CNTNAP2: variants seen among roughly 807,000 people sequenced by gnomAD.
The protein encoded by CNTNAP2 is contactin associated protein 2.
A neutral mutation model predicts 155.2 loss-of-function variants in CNTNAP2; 98 were observed. That is an observed-to-expected ratio of 0.63 (90% CI 0.54 to 0.75). The LOEUF is 0.75. Ranked by LOEUF, CNTNAP2 falls within the 30% of genes least tolerant of loss-of-function variation. The pLI, the probability that CNTNAP2 is intolerant of heterozygous loss-of-function variation, is 0.00. For synonymous variants in CNTNAP2, 651 were observed against 631.2 expected, an observed-to-expected ratio of 1.03 and a Z score of -0.47; for missense variants, 1,727 against 1,688.1, an observed-to-expected ratio of 1.02 and a Z score of -0.40.
chr7:148,174,814 G>C (rs147842278), intron 18 of CNTNAP2, among the ~76,000 whole-genome samples: 2 of 152,128 alleles, frequency 1.3e-5, no homozygotes, highest in Non-Finnish European at 2.9e-5. Flanking sequence ...ATAAGCATAC[G>C]TGTGCCATGG....
At chr7:147,589,234 G>A (rs1218242736) in intron 12 of CNTNAP2, among the ~76,000 whole-genome samples, 1 of 152,282 alleles carries the variant, frequency 6.6e-6, no homozygotes, top group East Asian at 1.9e-4. Context: ...CAGCTGGTTA[G>A]TAAAAGTTTT....
At chr7:147,655,065 G>A (rs1432476263) in intron 13 of CNTNAP2, among the ~76,000 whole-genome samples, 1 of 151,396 alleles carries the variant, frequency 6.6e-6, no homozygotes, top group Non-Finnish European at 1.5e-5. Flanking sequence ...CACCCGCCTG[G>A]GCCTCCCAAA....
chr7:147,280,978 T>C (rs375834632), intron 8 of CNTNAP2, among the ~76,000 whole-genome samples: 2 of 151,902 alleles, frequency 1.3e-5, no homozygotes, highest in East Asian at 3.9e-4. Flanking sequence ...TTTCACAAAC[T>C]TGGGTCTTAC....
At chr7:147,170,774 C>A (rs1167854004) in intron 8 of CNTNAP2, among the ~76,000 whole-genome samples, 1 of 152,148 alleles carries the variant, frequency 6.6e-6, no homozygotes, top group Admixed American at 6.5e-5. Context: ...AACACAGCAC[C>A]CAGGCTGGGC....
At chr7:148,186,596 C>T (rs1795119232) in intron 18 of CNTNAP2, among the ~76,000 whole-genome samples, 1 of 152,162 alleles carries the variant, frequency 6.6e-6, no homozygotes, top group African/African-American at 2.4e-5. Context: ...GAACCATCAT[C>T]TCTATTAAAG....
At chr7:147,615,358 G>A (rs1199367990) in intron 12 of CNTNAP2, among the ~76,000 whole-genome samples, 2 of 142,508 alleles carry the variant, frequency 1.4e-5, no homozygotes, top group Admixed American at 7.2e-5. Context: ...GTTCATGCCT[G>A]TAATCCCAGC....
At chr7:147,130,241 A>T (rs1801325404) in intron 7 of CNTNAP2, among the ~76,000 whole-genome samples, 1 of 150,788 alleles carries the variant, frequency 6.6e-6, no homozygotes, top group Non-Finnish European at 1.5e-5. Context: ...TAGTGAGACC[A>T]TGTCTCTACA....
Position 147,854,940 on chromosome 7 carries a change from G to A in CNTNAP2, c.2099-48625G>A, listed in dbSNP as rs184799409. ...AATACATAAGAATTTTGAAGACACC[G>A]CCCAAGAAAGAGAATATAAAATAGC... On this transcript the variant is annotated intron_variant, in intron 13 of 23. Transcript: ENST00000361727. Among the ~76,000 whole-genome samples, 95 of 152,076 alleles carry A rather than the reference G, an allele frequency of 6.2e-4. 1 individual carries two copies. Among genetic ancestry groups the A allele is most frequent in the African/African-American group, 2.1e-3 (88 of 41,510 alleles).
At chr7:148,302,597 T>C (rs1045421317) in intron 21 of CNTNAP2, among the ~76,000 whole-genome samples, 1 of 152,106 alleles carries the variant, frequency 6.6e-6, no homozygotes, top group Non-Finnish European at 1.5e-5. Context: ...GGTTGGATCA[T>C]GAGGGTGGTT....
Position 148,352,025 on chromosome 7 carries a change from TA to T in CNTNAP2, c.3476-31622del, listed in dbSNP as rs375768445. Among the ~76,000 whole-genome samples the T allele has an allele frequency of 3.8e-4, 58 of 152,286 alleles. No individual in the cohort carries two copies. The East Asian group carries it at 9.7e-3, about 25-fold the overall frequency. On this transcript the variant is annotated intron_variant, in intron 21 of 23. Coordinates refer to ENST00000361727, the MANE Select transcript of CNTNAP2 (RefSeq NM_014141.6). The stretch of plus-strand genomic sequence containing the variant: ...ACGGCCTCTTCCCTATGTAGAGGCA[TA>T]ATATCCAGAATTTGTGCGTATCTTC...
At chr7:148,167,350 G>A (rs1236990964) in intron 17 of CNTNAP2, among the ~76,000 whole-genome samples, 1 of 152,096 alleles carries the variant, frequency 6.6e-6, no homozygotes, top group African/African-American at 2.4e-5. Flanking sequence ...TGCTGGCCAG[G>A]CTGGTCTCAA....
intron 1 of CNTNAP2, among the ~76,000 whole-genome samples, chr7:146,307,200 G>C (rs990328763): frequency 6.6e-6 from 1 of 152,060 alleles, no homozygotes; most frequent in Non-Finnish European, 1.5e-5. Context: ...CAAACAGAGA[G>C]CCAAATCATG....
chr7:146,306,695 T>G (rs1220917403), intron 1 of CNTNAP2, among the ~76,000 whole-genome samples: 1 of 152,132 alleles, frequency 6.6e-6, no homozygotes, highest in East Asian at 1.9e-4. Context: ...AATCAATAAA[T>G]GTAATCCAGC....
At chr7:147,133,377 T>G (rs1443294661) in intron 8 of CNTNAP2, among the ~76,000 whole-genome samples, 1 of 152,070 alleles carries the variant, frequency 6.6e-6, no homozygotes, top group East Asian at 1.9e-4. Context: ...GAACACTTAG[T>G]ACAGATGTAG....
chr7:146,880,699 T>C (rs1323484584), intron 3 of CNTNAP2, among the ~76,000 whole-genome samples: 1 of 152,124 alleles, frequency 6.6e-6, no homozygotes, highest in Non-Finnish European at 1.5e-5. Context: ...AGTACAAAAC[T>C]CTGCTGTGCT....
At chr7:147,372,768 C>G (rs1421599281) in intron 9 of CNTNAP2, among the ~76,000 whole-genome samples, 4 of 151,982 alleles carry the variant, frequency 2.6e-5, no homozygotes, top group Non-Finnish European at 1.5e-5. Flanking sequence ...GAGCCTGAAC[C>G]ACAATCCCAA....
At chr7:148,042,191 G>A (rs968344182) in intron 15 of CNTNAP2, among the ~76,000 whole-genome samples, 5 of 152,150 alleles carry the variant, frequency 3.3e-5, no homozygotes, top group African/African-American at 7.2e-5. Context: ...GCAGAGTCAC[G>A]TTCAGTGACT....
At chr7:147,208,303 A>AT (rs1382915801) in intron 8 of CNTNAP2, among the ~76,000 whole-genome samples, 1 of 151,938 alleles carries the variant, frequency 6.6e-6, no homozygotes, top group African/African-American at 2.4e-5. Context: ...AATTGTCAAT[A>AT]TTTTGTTTTG....
chr7:147,987,049 A>G (rs550397992), intron 15 of CNTNAP2, among the ~76,000 whole-genome samples: 20 of 152,186 alleles, frequency 1.3e-4, no homozygotes, highest in African/African-American at 4.8e-4. Flanking sequence ...ATGGGCTACT[A>G]ACAACTGAGA....
Sources: allele counts gnomAD v4.1 joint callset (sites outside exome capture counted in the v4.1 genomes callset), GRCh38; gene constraint gnomAD v4.1.1; transcripts MANE v1.5; gene names NCBI Gene and HGNC (gene_info 2026-07-23, HGNC 2026-07-21).